The following TMEM132D variants were observed in gnomAD, a reference collection of about 807,000 sequenced individuals.
TMEM132D encodes the protein mature OL transmembrane protein.
TMEM132D carries 21 observed loss-of-function variants against 62.3 expected under a neutral mutation model. The observed-to-expected ratio is 0.34, with a 90% CI of 0.24 to 0.49. The LOEUF is 0.49. TMEM132D is among the 20% of genes least tolerant of loss of function. The pLI is 0.99. For missense variants in TMEM132D, 1,346 were observed against 1,402.8 expected (o/e 0.96, Z 0.65); for synonymous variants, 621 against 575.6 (o/e 1.08, Z -1.13).
Position 129,872,192 on chromosome 12 carries a change from A to G in TMEM132D, c.79+31069T>C, listed in dbSNP as rs1170463598. Among the ~76,000 whole-genome samples, 4 of 152,234 alleles carry G rather than the reference A, an allele frequency of 2.6e-5. No individual in the cohort carries two copies. The East Asian group carries it at 7.7e-4, about 29-fold the overall frequency. ...GACACAAATAGGATTAAATTCCTCTATTCAGTTGCTAAAGAGACAGACAAC... is the reference window on the plus strand; with the variant it reads ...GACACAAATAGGATTAAATTCCTCTGTTCAGTTGCTAAAGAGACAGACAAC... On this transcript the variant is annotated intron_variant, in intron 1 of 8. Coordinates refer to ENST00000422113, the MANE Select transcript of TMEM132D (RefSeq NM_133448.3).
At chr12:129,621,990 G>T (rs544724026) in intron 2 of TMEM132D, among the ~76,000 whole-genome samples, 14 of 152,198 alleles carry the variant, frequency 9.2e-5, no homozygotes, top group Non-Finnish European at 2.1e-4. Flanking sequence ...GAAAAGGAGA[G>T]AAGGTTGTGC....
At position 129,386,390 on chromosome 12, in the gene TMEM132D, C is replaced by T. The variant is rs143733711; in HGVS notation, c.1116-48573G>A. On this transcript the variant is annotated intron_variant, in intron 3 of 8. Coordinates refer to ENST00000422113, the MANE Select transcript of TMEM132D (RefSeq NM_133448.3). Reference sequence around the variant, plus strand: ...AATAACACCAGCTCCAATGCTAACGCTATCACTAATCATAATACAAACACA... The same window carrying T: ...AATAACACCAGCTCCAATGCTAACGTTATCACTAATCATAATACAAACACA... Among the ~76,000 whole-genome samples the T allele has an allele frequency of 9.8e-3, 1,491 of 152,208 alleles. 7 individuals are homozygous for T. The highest frequency in any genetic ancestry group is 0.017 in the African/African-American group (716 of 41,494).
intron 3 of TMEM132D, among the ~76,000 whole-genome samples, chr12:129,517,748 C>G (rs1875725032): frequency 6.6e-6 from 1 of 152,170 alleles, no homozygotes; most frequent in African/African-American, 2.4e-5. Flanking sequence ...GGCTCATAAG[C>G]CCATCTCAAG....
chr12:129,105,460 G>C (rs1875464047), intron 5 of TMEM132D, among the ~76,000 whole-genome samples: 1 of 142,374 alleles, frequency 7.0e-6, no homozygotes, highest in Non-Finnish European at 1.5e-5. Flanking sequence ...GAGTTAGTGG[G>C]TGCAGCGCAC....
intron 4 of TMEM132D, among the ~76,000 whole-genome samples, chr12:129,216,690 C>T (rs1939130358): frequency 6.6e-6 from 1 of 152,168 alleles, no homozygotes; most frequent in Admixed American, 6.5e-5. Flanking sequence ...TACTTCATCA[C>T]TTCAGTACAG....
intron 3 of TMEM132D, among the ~76,000 whole-genome samples, chr12:129,380,166 A>T (rs562298925): frequency 6.6e-6 from 1 of 152,230 alleles, no homozygotes; most frequent in Non-Finnish European, 1.5e-5. Flanking sequence ...GGTAATAACA[A>T]CATCCATTTA....
chr12:129,712,849 A>G (rs1868427648), intron 1 of TMEM132D, among the ~76,000 whole-genome samples: 1 of 152,098 alleles, frequency 6.6e-6, no homozygotes, highest in Admixed American at 6.5e-5. Flanking sequence ...CTGCAGCCAG[A>G]AGGAACGTCT....
chr12:129,075,786 T>C (rs749553116), intron 8 of TMEM132D, among the ~76,000 whole-genome samples: 32 of 152,256 alleles, frequency 2.1e-4, no homozygotes, highest in Non-Finnish European at 3.8e-4. Flanking sequence ...TTTCACTTTG[T>C]TGATTTAGAC....
chr12:129,178,373 T>C (rs926421517), intron 5 of TMEM132D, among the ~76,000 whole-genome samples: 2 of 152,096 alleles, frequency 1.3e-5, no homozygotes, highest in Non-Finnish European at 2.9e-5. Context: ...GTTGAACTAA[T>C]TTACACTCCC....
In TMEM132D at chr12:129,758,724, A is replaced by G. The variant is rs1048908940; in HGVS notation, c.80-58026T>C. Among the ~76,000 whole-genome samples, 6 of 152,204 alleles carry G rather than the reference A, an allele frequency of 3.9e-5. No homozygotes were observed. In the East Asian group the frequency reaches 1.2e-3, roughly 29 times the overall value. ...ACCTAAATATTTTCTAAAGGGCTCCAGAATTAGGAGTATTAAAATTTCAGT... is the reference window on the plus strand; with the variant it reads ...ACCTAAATATTTTCTAAAGGGCTCCGGAATTAGGAGTATTAAAATTTCAGT... On this transcript the variant is annotated intron_variant, in intron 1 of 8. Transcript: ENST00000422113.
chr12:129,344,322 G>A (rs1869611951), intron 3 of TMEM132D, among the ~76,000 whole-genome samples: 1 of 152,086 alleles, frequency 6.6e-6, no homozygotes, highest in African/African-American at 2.4e-5. Context: ...TAAATGTTGG[G>A]GTCCTGTAAC....
At chr12:129,295,509 C>T (rs534634577) in intron 4 of TMEM132D, among the ~76,000 whole-genome samples, 46 of 149,168 alleles carry the variant, frequency 3.1e-4, no homozygotes, top group African/African-American at 1.1e-3. Context: ...CGGCTCACTG[C>T]AACCTCCACC....
chr12:129,152,108 C>A (rs758867200), intron 5 of TMEM132D, among the ~76,000 whole-genome samples: 1 of 152,120 alleles, frequency 6.6e-6, no homozygotes, highest in East Asian at 1.9e-4. Flanking sequence ...ATCTCTTGAC[C>A]TCATGATCTG....
chr12:129,820,870 T>C (rs943372343), intron 1 of TMEM132D, among the ~76,000 whole-genome samples: 1 of 152,208 alleles, frequency 6.6e-6, no homozygotes, highest in Non-Finnish European at 1.5e-5. Flanking sequence ...ACTGCAAGTG[T>C]GCACCAACAC....
At chr12:129,841,962 G>T (rs1298581291) in intron 1 of TMEM132D, among the ~76,000 whole-genome samples, 1 of 145,368 alleles carries the variant, frequency 6.9e-6, no homozygotes, top group East Asian at 2.0e-4. Flanking sequence ...ACGGAGTCTC[G>T]GTCTGTCCCC....
chr12:129,789,983 T>G (rs1871355036), intron 1 of TMEM132D, among the ~76,000 whole-genome samples: 1 of 152,216 alleles, frequency 6.6e-6, no homozygotes, highest in Non-Finnish European at 1.5e-5. Flanking sequence ...GCAGGAAACT[T>G]CTCCGACCCC....
chr12:129,578,853 A>T (rs1341240640), intron 2 of TMEM132D, among the ~76,000 whole-genome samples: 1 of 152,132 alleles, frequency 6.6e-6, no homozygotes, highest in African/African-American at 2.4e-5. Flanking sequence ...GAGCATACTC[A>T]CCCACTTTGC....
intron 1 of TMEM132D, among the ~76,000 whole-genome samples, chr12:129,741,425 C>T (rs1021864653): frequency 3.9e-5 from 6 of 151,984 alleles, no homozygotes. Flanking sequence ...TATTATAGAA[C>T]AATAAAGAAA....
chr12:129,776,354 C>T (rs1371077470), intron 1 of TMEM132D, among the ~76,000 whole-genome samples: 1 of 152,106 alleles, frequency 6.6e-6, no homozygotes, highest in Non-Finnish European at 1.5e-5. Context: ...AAAGATTTGA[C>T]GGAAGTTGCC....
Sources: allele counts gnomAD v4.1 joint callset (sites outside exome capture counted in the v4.1 genomes callset), GRCh38; gene constraint gnomAD v4.1.1; transcripts MANE v1.5; gene names NCBI Gene and HGNC (gene_info 2026-07-23, HGNC 2026-07-21).